Variants in POLR1E observed in about 807,000 individuals in gnomAD.
POLR1E encodes RNA polymerase I subunit E.
In POLR1E, 37 loss-of-function variants were observed where a neutral mutation model predicts 50.9. The ratio of observed to expected loss-of-function variants is 0.73; its 90% CI spans 0.56 to 0.96. The LOEUF is 0.96. Among genes scored for constraint, POLR1E ranks in the 40% least tolerant of loss-of-function variants. The pLI is 0.00. For missense variants in POLR1E, 426 were observed against 518.1 expected, an observed-to-expected ratio of 0.82 and a Z score of 1.73; for synonymous variants, 166 against 191.6, an observed-to-expected ratio of 0.87 and a Z score of 1.10.
chr9:37,490,413 A>G, intron 4 of POLR1E: 1 of 751,344 alleles, frequency 1.3e-6, no homozygotes. Context: ...TCATTTTTTA[A>G]ACACCTGTCA....
intron 9 of POLR1E, 116 bp from the exon 10 acceptor site, chr9:37,500,724 C>T (rs1453892758): frequency 4.2e-6 from 3 of 716,498 alleles, no homozygotes; most frequent in Admixed American, 5.0e-5. Flanking sequence ...GCTTCTCTTA[C>T]CACCTGGTTC....
chr9:37,502,586 G>A (rs1820909836), intron 11 of POLR1E, among the ~76,000 whole-genome samples: 1 of 152,208 alleles, frequency 6.6e-6, no homozygotes, highest in East Asian at 1.9e-4. Context: ...GGGTGTCTAG[G>A]AGAGCCTGTG....
Position 37,503,437 on chromosome 9 carries a change from G to T in POLR1E, c.*235G>T. The T allele has an allele frequency of 2.7e-6, 1 of 366,438 alleles. No individual in the cohort carries two copies. The highest frequency in any genetic ancestry group is 4.7e-5 in the East Asian group (1 of 21,056). 22.7% of individuals were successfully genotyped at this position (366,438 alleles called of 1,614,324 possible). On this transcript the variant is annotated 3_prime_UTR_variant, in exon 12 of 12. Coordinates refer to ENST00000377798, the MANE Select transcript of POLR1E (RefSeq NM_022490.4). The stretch of plus-strand genomic sequence containing the variant: ...ACCGGAGGAAAAAAAAAAGAGTCAG[G>T]CCTGGTGGTGTGCGCCTGTAATCCC...
intron 8 of POLR1E, among the ~76,000 whole-genome samples, chr9:37,496,840 T>G (rs1820795003): frequency 6.6e-6 from 1 of 152,270 alleles, no homozygotes; most frequent in East Asian, 1.9e-4. Context: ...GAGATGATCT[T>G]GAAGAGCCTT....
intron 11 of POLR1E, among the ~76,000 whole-genome samples, chr9:37,502,411 T>C (rs897345964): frequency 1.3e-5 from 2 of 152,248 alleles, no homozygotes; most frequent in Admixed American, 6.5e-5. Flanking sequence ...TTTGCACTTC[T>C]CTGACCCAAC....
At chr9:37,493,447 A>G in intron 5 of POLR1E, 112 bp from the exon 6 acceptor site, 5 of 915,028 alleles carry the variant, frequency 5.5e-6, no homozygotes, top group Non-Finnish European at 7.7e-6. Flanking sequence ...CCTTATTCAC[A>G]GGTGAGGTAG....
In POLR1E at chr9:37,488,057, AG is replaced by A. The variant is rs1188631573; in HGVS notation, c.257+120del. The A allele has an allele frequency of 1.4e-4, 129 of 949,688 alleles. No homozygotes were observed. The African/African-American group carries it at 2.0e-3, about 14-fold the overall frequency. The allele number at this position is 949,688 out of a possible 1,614,324, so 58.8% of individuals were successfully genotyped here. ...CAGGAGCCATCTAGAGAGGTTTACT[AG>A]GTGATCCCTGTGTTCCTATTAGACC... On this transcript the variant is annotated intron_variant, in intron 3 of 11. Transcript: ENST00000377798.
chr9:37,495,112 A>T (rs1273072412), intron 6 of POLR1E, 57 bp from the exon 7 acceptor site: 1 of 1,404,524 alleles, frequency 7.1e-7, no homozygotes, highest in Non-Finnish European at 1.0e-6. Flanking sequence ...ACTGAAAAGA[A>T]TGTTGGGGAA....
chr9:37,501,537 G>C (rs1266069924), intron 10 of POLR1E, among the ~76,000 whole-genome samples, 176 bp from the exon 11 acceptor site: 1 of 152,244 alleles, frequency 6.6e-6, no homozygotes, highest in Non-Finnish European at 1.5e-5. Flanking sequence ...CTGCTCCACT[G>C]TGTGTGAGGC....
intron 4 of POLR1E, chr9:37,490,617 A>G: frequency 2.8e-6 from 2 of 722,962 alleles, no homozygotes; most frequent in Non-Finnish European, 5.0e-6. Flanking sequence ...AGAGTGCTTA[A>G]TGTGCTCAAT....
At position 37,489,381 on chromosome 9, in the gene POLR1E, C is replaced by T. The variant is rs11542231; in HGVS notation, c.324C>T (p.Asn108=). 229,994 of 1,592,666 alleles carry T rather than the reference C, an allele frequency of 0.14. 18,408 individuals carry two copies. The highest frequency in any genetic ancestry group is 0.16 in the Non-Finnish European group (193,370 of 1,173,100). Residue 108 remains asparagine, a synonymous_variant, in exon 4 of 12, where the codon AAC becomes AAT. Transcript: ENST00000377798. ...QMEVYDAELF[N]MQPLFSDVSV... is the part of the protein sequence containing the mutation. ...AAGTATATGATGCTGAATTGTTCAA[C>T]ATGCAGCCACTATTTTCAGGTAGGT...
intron 9 of POLR1E, among the ~76,000 whole-genome samples, chr9:37,499,036 G>T (rs1820831429): frequency 6.6e-6 from 1 of 152,192 alleles, no homozygotes; most frequent in Non-Finnish European, 1.5e-5. Flanking sequence ...TATACAGCAT[G>T]TTACTATACT....
intron 11 of POLR1E, among the ~76,000 whole-genome samples, chr9:37,502,768 G>A (rs911227793): frequency 2.0e-5 from 3 of 152,168 alleles, no homozygotes; most frequent in African/African-American, 7.2e-5. Context: ...GTTATGGGAG[G>A]TAAAGAAAGT....
intron 4 of POLR1E, among the ~76,000 whole-genome samples, chr9:37,490,109 AT>A (rs1232668398): frequency 6.6e-6 from 1 of 152,098 alleles, no homozygotes; most frequent in Admixed American, 6.5e-5. Flanking sequence ...TTTTATTTTT[AT>A]TTTTTATTTT....
At chr9:37,499,459 G>T (rs1052232656) in intron 9 of POLR1E, among the ~76,000 whole-genome samples, 1 of 152,216 alleles carries the variant, frequency 6.6e-6, no homozygotes, top group Non-Finnish European at 1.5e-5. Flanking sequence ...GCCTGTCATT[G>T]ACCAAAACAC....
chr9:37,492,501 T>TA, intron 4 of POLR1E, 156 bp from the exon 5 acceptor site: 3 of 839,440 alleles, frequency 3.6e-6, no homozygotes, highest in Non-Finnish European at 5.7e-6. Context: ...AGCTGCATAT[T>TA]AAATATTCAC....
In POLR1E at chr9:37,492,647, G is replaced by A. The variant is rs1283347693; in HGVS notation, c.344-10G>A. On this transcript the variant is annotated splice_polypyrimidine_tract_variant and intron_variant, in intron 4 of 11. Coordinates refer to ENST00000377798, the MANE Select transcript of POLR1E (RefSeq NM_022490.4). ...CTTTTCTTTCTCTCTGTTTTTGTGTGTTTTGATAGATGTATCAGTTGAGAG... is the reference window on the plus strand; with the variant it reads ...CTTTTCTTTCTCTCTGTTTTTGTGTATTTTGATAGATGTATCAGTTGAGAG... 1.2e-5 allele frequency: 20 copies of A among 1,613,562 alleles called. No homozygotes were observed. The highest frequency in any genetic ancestry group is 1.6e-5 in the Non-Finnish European group (19 of 1,179,614).
At chr9:37,501,388 A>G (rs1042659324) in intron 10 of POLR1E, among the ~76,000 whole-genome samples, 1 of 152,156 alleles carries the variant, frequency 6.6e-6, no homozygotes, top group Non-Finnish European at 1.5e-5. Flanking sequence ...TTTCGGGATG[A>G]TTGTTTTCCC....
rs756598764 is a variant in POLR1E, at chr9:37,498,264, T to C, written c.886+40T>C. The C allele has an allele frequency of 3.2e-6, 5 of 1,579,596 alleles. No homozygotes were observed. The South Asian group carries it at 5.6e-5, about 18-fold the overall frequency. On this transcript the variant is annotated intron_variant, in intron 9 of 11. Transcript: ENST00000377798. ...AACATTTTATTCTAATTGTTTCCAG[T>C]ATATTATTTGTCTGTAATTCTTAGA...
Sources: gnomAD v4.1 joint callset for allele counts (sites outside exome capture counted in the v4.1 genomes callset) on GRCh38, gnomAD v4.1.1 for gene constraint, MANE v1.5 for transcripts, NCBI Gene and HGNC (gene_info 2026-07-23, HGNC 2026-07-21) for gene names.